Variants in USP9X observed in about 807,000 individuals in gnomAD.
The protein encoded by USP9X is ubiquitin carboxyl-terminal hydrolase 9X.
Under a neutral mutation model 190.3 loss-of-function variants are expected in USP9X, and 7 were observed. The observed-to-expected ratio is 0.04, with a 90% CI of 0.02 to 0.07. USP9X has a LOEUF of 0.07. Among genes scored for constraint, USP9X ranks in the 10% least tolerant of loss-of-function variants. The pLI is 1.00. For synonymous variants in USP9X, 645 were observed against 659.5 expected (o/e 0.98, Z 0.34); for missense variants, 1,010 against 1,916.9 (o/e 0.53, Z 8.83).
chrX:41,219,287 G>GTCTC, intron 38 of USP9X, 56 bp downstream of exon 38: 1 of 1,080,156 alleles, frequency 9.3e-7, no homozygotes, highest in South Asian at 2.1e-5. Context: ...AAATTGTGAA[G>GTCTC]TCATTTAGGT....
intron 21 of USP9X, among the ~76,000 whole-genome samples, chrX:41,181,291 T>C (rs1326697274): frequency 7.7e-5 from 8 of 103,272 alleles, no homozygotes; most frequent in African/African-American, 2.8e-4. Context: ...TTTTTTTTTT[T>C]TTAAAGAGAG....
At chrX:41,197,311 A>G (rs1344408045) in intron 28 of USP9X, 53 bp from the exon 29 acceptor site, 3 of 915,989 alleles carry the variant, frequency 3.3e-6, no homozygotes, top group Admixed American at 2.9e-5. Context: ...TCCCTTTCAT[A>G]AGCTAGACAT....
At chrX:41,099,183 ATCC>A (rs1485168720) in intron 1 of USP9X, among the ~76,000 whole-genome samples, 1 of 90,772 alleles carries the variant, frequency 1.1e-5, no homozygotes, top group Non-Finnish European at 2.1e-5. Flanking sequence ...GGCTCCAGCA[ATCC>A]TCCTGCCTCA....
chrX:41,176,939 A>T (rs145520483), intron 21 of USP9X, among the ~76,000 whole-genome samples: 1,859 of 111,945 alleles, frequency 0.017, 31 homozygotes, highest in African/African-American at 0.058. Context: ...ACTGTCCTTG[A>T]GTTTTTTAAC....
intron 1 of USP9X, among the ~76,000 whole-genome samples, chrX:41,104,620 T>G (rs766613859): frequency 9.0e-6 from 1 of 111,327 alleles, no homozygotes; most frequent in East Asian, 2.8e-4. Flanking sequence ...CCTCTGAAGA[T>G]TCAAAAATAA....
At chrX:41,187,910 T>C (rs1439302222) in intron 24 of USP9X, 82 bp from the exon 25 acceptor site, 6 of 1,021,884 alleles carry the variant, frequency 5.9e-6, no homozygotes, top group Non-Finnish European at 7.9e-6. Flanking sequence ...CTATTTCCTT[T>C]ACAAAGTGAA....
intron 28 of USP9X, 57 bp from the exon 29 acceptor site, chrX:41,197,307 T>G: frequency 1.1e-6 from 1 of 929,283 alleles, no homozygotes; most frequent in Non-Finnish European, 1.5e-6. Context: ...TACCTCCCTT[T>G]CATAAGCTAG....
intron 3 of USP9X, 120 bp from the exon 4 acceptor site, chrX:41,131,329 ATTTTAATG>A: frequency 4.2e-6 from 2 of 481,474 alleles, no homozygotes; most frequent in Non-Finnish European, 6.1e-6. Context: ...TTGTCTTAAT[ATTTTAATG>A]TTATTTTAAT....
chrX:41,100,913 C>T (rs1234038761), intron 1 of USP9X, among the ~76,000 whole-genome samples: 1 of 110,918 alleles, frequency 9.0e-6, no homozygotes, highest in Non-Finnish European at 1.9e-5. Context: ...TCCCAAAGTG[C>T]TGGGATTGCA....
At chrX:41,170,754 C>A in intron 20 of USP9X, 135 bp downstream of exon 20, 3 of 596,541 alleles carry the variant, frequency 5.0e-6, no homozygotes, top group Non-Finnish European at 7.5e-6. Context: ...AGTTAACCAC[C>A]AACTTCAGAA....
chrX:41,133,638 G>C (rs1192739840), intron 4 of USP9X, among the ~76,000 whole-genome samples: 2 of 111,887 alleles, frequency 1.8e-5, no homozygotes, highest in Non-Finnish European at 3.8e-5. Context: ...CTTTACGTCC[G>C]TGAGTTCAAT....
chrX:41,113,949 G>T (rs962622142), intron 1 of USP9X, among the ~76,000 whole-genome samples: 1 of 112,686 alleles, frequency 8.9e-6, no homozygotes, highest in Non-Finnish European at 1.9e-5. Context: ...AGAGAAATGT[G>T]AACAAATGTA....
chrX:41,090,996 T>TA (rs1199205059), intron 1 of USP9X, among the ~76,000 whole-genome samples: 3 of 111,564 alleles, frequency 2.7e-5, no homozygotes, highest in Non-Finnish European at 5.7e-5. Context: ...GTTCAACAAA[T>TA]ACTTCTGGGG....
chrX:41,233,385 G>A lies in USP9X; in HGVS notation c.*861G>A, dbSNP rs772517269. 8.9e-5 allele frequency: 10 copies of A among 112,231 alleles called. No homozygotes were observed. In the East Asian group the frequency reaches 2.5e-3, roughly 28 times the overall value. The allele number at this position is 112,231 out of a possible 1,213,427, so 9.2% of individuals were successfully genotyped here. ...TAATGTTTGACAGTTCAATCTCTGG[G>A]TGGAATAAAGAACACTTACGTATCA... On this transcript the variant is annotated 3_prime_UTR_variant, in exon 45 of 45. Coordinates refer to ENST00000378308, the MANE Select transcript of USP9X (RefSeq NM_001039591.3).
intron 26 of USP9X, among the ~76,000 whole-genome samples, chrX:41,192,592 A>G (rs2062947145): frequency 8.9e-6 from 1 of 111,802 alleles, no homozygotes; most frequent in South Asian, 3.7e-4. Context: ...GGAGTCAAGG[A>G]TAATACTGTA....
chrX:41,125,682 A>ACTCTCTCT (rs1477045514), intron 2 of USP9X, among the ~76,000 whole-genome samples: 134 of 22,818 alleles, frequency 5.9e-3, no homozygotes, highest in Non-Finnish European at 8.1e-3. Context: ...ACACACACAC[A>ACTCTCTCT]CACTCTCTCT....
At position 41,148,589 on chromosome X, in the gene USP9X, G is replaced by A; in HGVS notation, c.1626+14G>A. ...AGTTGCTCCCAGGTAAGAGTGTACT[G>A]CTTTGCTCACTTTTTGTGACTTTTC... On this transcript the variant is annotated intron_variant, in intron 12 of 44. Coordinates refer to ENST00000378308, the MANE Select transcript of USP9X (RefSeq NM_001039591.3). The A allele has an allele frequency of 2.5e-6, 3 of 1,202,447 alleles. No homozygotes were observed. The highest frequency in any genetic ancestry group is 3.4e-6 in the Non-Finnish European group (3 of 888,696).
intron 35 of USP9X, among the ~76,000 whole-genome samples, 158 bp downstream of exon 35, chrX:41,216,810 A>G (rs1044017520): frequency 9.0e-6 from 1 of 111,310 alleles, no homozygotes; most frequent in Non-Finnish European, 1.9e-5. Context: ...TGGGAGGCCG[A>G]GGTAGGTGGA....
intron 1 of USP9X, among the ~76,000 whole-genome samples, chrX:41,113,245 G>A (rs895987930): frequency 4.5e-5 from 5 of 111,469 alleles, no homozygotes; most frequent in South Asian, 3.7e-4. Context: ...TCTGTCGCCC[G>A]GGCTGGAGTG....
Sources: allele counts gnomAD v4.1 joint callset (sites outside exome capture counted in the v4.1 genomes callset), GRCh38; gene constraint gnomAD v4.1.1; transcripts MANE v1.5; gene names NCBI Gene and HGNC (gene_info 2026-07-23, HGNC 2026-07-21).